CTNNA1: variants seen among roughly 807,000 people sequenced by gnomAD.
CTNNA1 encodes the protein catenin alpha 1, also known as catenin alpha-1.
A neutral mutation model predicts 98.4 loss-of-function variants in CTNNA1; 37 were observed. The ratio of observed to expected loss-of-function variants is 0.38; its 90% CI spans 0.29 to 0.49. CTNNA1 has a LOEUF of 0.49. Ranked by LOEUF, CTNNA1 falls within the 20% of genes least tolerant of loss-of-function variation. The pLI is 0.95. For missense variants in CTNNA1, 761 were observed against 1,147.2 expected (o/e 0.66, Z 4.86); for synonymous variants, 404 against 413.2 (o/e 0.98, Z 0.27).
At chr5:138,773,741 C>CA (rs1345231280) in intron 1 of CTNNA1, among the ~76,000 whole-genome samples, 1 of 150,676 alleles carries the variant, frequency 6.6e-6, no homozygotes, top group Non-Finnish European at 1.5e-5. Context: ...GACAGAGTCT[C>CA]ACTCTGTTGC....
chr5:138,793,560 C>T (rs1756598389), intron 3 of CTNNA1, among the ~76,000 whole-genome samples: 2 of 152,100 alleles, frequency 1.3e-5, no homozygotes, highest in African/African-American at 4.8e-5. Context: ...ATATTACTGC[C>T]TTAATATATT....
intron 1 of CTNNA1, among the ~76,000 whole-genome samples, chr5:138,755,504 A>G (rs770808761): frequency 1.3e-5 from 2 of 152,026 alleles, no homozygotes; most frequent in Non-Finnish European, 2.9e-5. Flanking sequence ...TTTCCAAAGT[A>G]TCTTTGTCCT....
intron 10 of CTNNA1, among the ~76,000 whole-genome samples, chr5:138,916,957 A>G (rs1484021992): frequency 6.6e-6 from 1 of 151,492 alleles, no homozygotes; most frequent in East Asian, 1.9e-4. Context: ...TATTTTTAGT[A>G]GAGACGGGGT....
chr5:138,887,476 A>T lies in CTNNA1; in HGVS notation c.1144-14A>T. 6.4e-7 allele frequency: 1 copy of T among 1,573,072 alleles called. No individual in the cohort carries two copies. The highest frequency in any genetic ancestry group is 8.6e-7 in the Non-Finnish European group (1 of 1,161,056). ...GGTAGAAATAAAATCAAATTTTTACAATTTAATCATTAGCTCCGCAAAGCT... is the reference window on the plus strand; with the variant it reads ...GGTAGAAATAAAATCAAATTTTTACTATTTAATCATTAGCTCCGCAAAGCT... On this transcript the variant is annotated splice_polypyrimidine_tract_variant and intron_variant, in intron 8 of 17. Coordinates refer to ENST00000302763, the MANE Select transcript of CTNNA1 (RefSeq NM_001903.5).
chr5:138,924,059 TTGTC>T (rs942588050), intron 11 of CTNNA1, among the ~76,000 whole-genome samples: 2 of 152,224 alleles, frequency 1.3e-5, no homozygotes, highest in African/African-American at 4.8e-5. Flanking sequence ...TCTTGGTAGA[TTGTC>T]TGAATATCAT....
At chr5:138,792,234 G>C in intron 3 of CTNNA1, among the ~76,000 whole-genome samples, 1 of 152,158 alleles carries the variant, frequency 6.6e-6, no homozygotes, top group Non-Finnish European at 1.5e-5. Flanking sequence ...AGTTCACTGT[G>C]AATCTTGGCA....
At chr5:138,895,662 A>T (rs1165393020) in intron 9 of CTNNA1, among the ~76,000 whole-genome samples, 2 of 152,070 alleles carry the variant, frequency 1.3e-5, no homozygotes, top group African/African-American at 2.4e-5. Flanking sequence ...GGAATATAGT[A>T]GTGAATACAA....
chr5:138,835,175 G>C (rs886546772), intron 7 of CTNNA1, among the ~76,000 whole-genome samples: 1 of 152,174 alleles, frequency 6.6e-6, no homozygotes, highest in Non-Finnish European at 1.5e-5. Context: ...CGCTTCTTTT[G>C]TGGATCTTCA....
At chr5:138,842,193 G>A (rs1174163739) in intron 7 of CTNNA1, among the ~76,000 whole-genome samples, 3 of 152,076 alleles carry the variant, frequency 2.0e-5, no homozygotes, top group African/African-American at 4.8e-5. Flanking sequence ...CCAGCTACTC[G>A]GGAGGCTGAG....
At chr5:138,848,454 T>C (rs1384043261) in intron 7 of CTNNA1, among the ~76,000 whole-genome samples, 2 of 152,228 alleles carry the variant, frequency 1.3e-5, no homozygotes, top group African/African-American at 4.8e-5. Context: ...AGCCATTGCA[T>C]TTATCATTCT....
chr5:138,903,478 G>C (rs1346350564), intron 9 of CTNNA1, among the ~76,000 whole-genome samples: 1 of 152,188 alleles, frequency 6.6e-6, no homozygotes, highest in Non-Finnish European at 1.5e-5. Flanking sequence ...GTTGGGCCCA[G>C]ATATTGCTAA....
At chr5:138,922,182 C>T (rs1173387005) in intron 11 of CTNNA1, among the ~76,000 whole-genome samples, 1 of 152,138 alleles carries the variant, frequency 6.6e-6, no homozygotes, top group Non-Finnish European at 1.5e-5. Flanking sequence ...CAATTAGGTA[C>T]CATACTTCTA....
chr5:138,828,998 C>T (rs920306501), intron 7 of CTNNA1, among the ~76,000 whole-genome samples: 1 of 152,098 alleles, frequency 6.6e-6, no homozygotes, highest in East Asian at 1.9e-4. Flanking sequence ...GTGGCGCACG[C>T]CTGGTCTCAG....
intron 1 of CTNNA1, among the ~76,000 whole-genome samples, chr5:138,774,628 CTT>C (rs1219039290): frequency 6.8e-6 from 1 of 146,180 alleles, no homozygotes. Context: ...GTTGTGCCAC[CTT>C]TTTTTTTTTG....
intron 3 of CTNNA1, among the ~76,000 whole-genome samples, chr5:138,791,527 GA>G (rs1207704993): frequency 7.3e-6 from 1 of 136,110 alleles, no homozygotes; most frequent in Non-Finnish European, 1.5e-5. Flanking sequence ...TGAGGCAGGG[GA>G]ATTGCTTGAG....
chr5:138,890,723 T>A (rs1755151464), intron 9 of CTNNA1, among the ~76,000 whole-genome samples: 1 of 152,178 alleles, frequency 6.6e-6, no homozygotes, highest in East Asian at 1.9e-4. Context: ...ATAGTTGAAC[T>A]CAATCTCCAG....
At chr5:138,778,414 ATGT>A (rs1301229312) in intron 1 of CTNNA1, among the ~76,000 whole-genome samples, 6 of 152,168 alleles carry the variant, frequency 3.9e-5, no homozygotes, top group African/African-American at 1.2e-4. Context: ...CACAGAGGTG[ATGT>A]TGTATCCTTC....
Position 138,768,150 on chromosome 5 carries a change from T to C in CTNNA1, c.-2-13773T>C, listed in dbSNP as rs145258898. On this transcript the variant is annotated intron_variant, in intron 1 of 17. Transcript: ENST00000302763. ...ATATTGCATTCGATTGTCGTATGTC[T>C]TTAGCCTTCACTTCCAGCTTTCCCA... is the stretch of plus-strand genomic sequence containing the variant. Among the ~76,000 whole-genome samples, 38 of 152,376 alleles carry C rather than the reference T, an allele frequency of 2.5e-4. No individual in the cohort carries two copies. The East Asian group carries it at 4.6e-3, about 19-fold the overall frequency.
intron 9 of CTNNA1, among the ~76,000 whole-genome samples, chr5:138,892,338 T>G (rs970290262): frequency 4.0e-5 from 3 of 74,384 alleles, no homozygotes; most frequent in Non-Finnish European, 1.0e-4. Context: ...GTTTTTTTTT[T>G]TTTTTTTTTT....
Sources: allele counts gnomAD v4.1 joint callset (sites outside exome capture counted in the v4.1 genomes callset), GRCh38; gene constraint gnomAD v4.1.1; transcripts MANE v1.5; gene names NCBI Gene and HGNC (gene_info 2026-07-23, HGNC 2026-07-21).